Variants in SDK1 observed in about 807,000 individuals in gnomAD.
SDK1 encodes protein sidekick-1.
Under a neutral mutation model 245.5 loss-of-function variants are expected in SDK1, and 157 were observed. The observed-to-expected ratio is 0.64, with a 90% confidence interval of 0.56 to 0.73. The LOEUF is 0.73. Ranked by LOEUF, SDK1 falls within the 30% of genes least tolerant of loss-of-function variation. The pLI, the probability that SDK1 is intolerant of heterozygous loss-of-function variation, is 0.00. For synonymous variants in SDK1, 1,647 were observed against 1,278.5 expected (o/e 1.29, Z -6.15); for missense variants, 3,583 against 3,002.3 (o/e 1.19, Z -4.52).
chr7:3,301,601 C>A lies in SDK1; in HGVS notation c.15C>A (p.Ala5=). The A allele has an allele frequency of 5.1e-6, 5 of 975,904 alleles. No homozygotes were observed. Among genetic ancestry groups the A allele is most frequent in the Non-Finnish European group, 4.8e-6 (4 of 825,066 alleles). The allele number at this position is 975,904 out of a possible 1,614,324, so 60.5% of individuals were successfully genotyped here. MARG[A]RPSAAGGGGG... is the part of the protein sequence containing the mutation. ...GGCTGCTCGGCATGGCCCGGGGCGCCCGGCCCTCGGCGGCCGGTGGCGGCG... is the reference window on the plus strand; with the variant it reads ...GGCTGCTCGGCATGGCCCGGGGCGCACGGCCCTCGGCGGCCGGTGGCGGCG... Residue 5 remains alanine (A), a synonymous_variant, in exon 1 of 45, where the codon GCC becomes GCA. Coordinates refer to ENST00000404826, the MANE Select transcript of SDK1 (RefSeq NM_152744.4).
At chr7:3,328,600 A>C (rs183050118) in intron 1 of SDK1, among the ~76,000 whole-genome samples, 1 of 152,288 alleles carries the variant, frequency 6.6e-6, no homozygotes, top group Non-Finnish European at 1.5e-5. Flanking sequence ...TTGTACTCAA[A>C]GATAACTGGT....
intron 4 of SDK1, among the ~76,000 whole-genome samples, chr7:3,647,992 G>C (rs777922298): frequency 4.6e-5 from 7 of 152,162 alleles, no homozygotes; most frequent in Non-Finnish European, 7.4e-5. Context: ...TTCAGAATTT[G>C]AATAGGTAAT....
intron 1 of SDK1, among the ~76,000 whole-genome samples, chr7:3,484,334 G>A (rs1781611593): frequency 1.3e-5 from 2 of 152,092 alleles, no homozygotes; most frequent in African/African-American, 4.8e-5. Flanking sequence ...ATATTCACTG[G>A]ATGCGAAACC....
At chr7:3,962,992 G>A in intron 9 of SDK1, 141 bp downstream of exon 9, 1 of 415,382 alleles carries the variant, frequency 2.4e-6, no homozygotes, top group Non-Finnish European at 3.9e-6. Context: ...AGTACACTCA[G>A]CTCCATGGCT....
At chr7:4,108,644 A>G (rs1000843482) in intron 22 of SDK1, among the ~76,000 whole-genome samples, 2 of 152,108 alleles carry the variant, frequency 1.3e-5, no homozygotes, top group Admixed American at 6.6e-5. Flanking sequence ...GTCATTCTAC[A>G]TTTCATTTTA....
intron 1 of SDK1, among the ~76,000 whole-genome samples, chr7:3,530,564 AGAAT>A (rs1783307679): frequency 6.6e-6 from 1 of 152,256 alleles, no homozygotes; most frequent in African/African-American, 2.4e-5. Context: ...ATATATTGAT[AGAAT>A]GAACAACAGA....
chr7:3,907,270 C>T (rs1161432817), intron 5 of SDK1, among the ~76,000 whole-genome samples: 1 of 152,198 alleles, frequency 6.6e-6, no homozygotes, highest in African/African-American at 2.4e-5. Flanking sequence ...AAGCTCTGTA[C>T]CTATTAACTC....
chr7:3,967,543 C>A, intron 10 of SDK1, 109 bp downstream of exon 10: 1 of 722,302 alleles, frequency 1.4e-6, no homozygotes, highest in South Asian at 1.7e-5. Context: ...TGCATTCACT[C>A]AATGAAGATT....
At chr7:3,793,378 A>G (rs1323059998) in intron 4 of SDK1, among the ~76,000 whole-genome samples, 1 of 152,138 alleles carries the variant, frequency 6.6e-6, no homozygotes, top group African/African-American at 2.4e-5. Context: ...AAAGCTATGT[A>G]TTTGAAGATC....
rs535794640 is a variant in SDK1 at position 3,402,296 on chromosome 7, C to T, written c.298+100412C>T. On this transcript the variant is annotated intron_variant, in intron 1 of 44. Transcript: ENST00000404826. ...ATATCTGTTATAAAGGATGGTGAAG[C>T]TTGGCTATTCAGAGAGTAATGGAGG... is the stretch of plus-strand genomic sequence containing the variant. Among the ~76,000 whole-genome samples, 21 of 152,232 alleles carry T rather than the reference C, an allele frequency of 1.4e-4. 1 individual carries two copies. The highest frequency in any genetic ancestry group is 5.1e-4 in the African/African-American group (21 of 41,528).
At chr7:4,260,536 G>A (rs1787924268) in intron 44 of SDK1, among the ~76,000 whole-genome samples, 1 of 132,276 alleles carries the variant, frequency 7.6e-6, no homozygotes, top group African/African-American at 2.9e-5. Context: ...CTGTGTGTGG[G>A]AAGATGTGTT....
intron 5 of SDK1, among the ~76,000 whole-genome samples, chr7:3,861,661 A>G (rs934277259): frequency 6.6e-6 from 1 of 152,214 alleles, no homozygotes; most frequent in East Asian, 1.9e-4. Flanking sequence ...ACACTTCTTT[A>G]TAAGCTGTCT....
chr7:4,135,587 C>G (rs971119260), intron 28 of SDK1, among the ~76,000 whole-genome samples: 1 of 152,220 alleles, frequency 6.6e-6, no homozygotes, highest in Non-Finnish European at 1.5e-5. Flanking sequence ...AGGCCGGCAG[C>G]CTGGGTAACG....
At chr7:3,768,581 A>G (rs1247084080) in intron 4 of SDK1, among the ~76,000 whole-genome samples, 1 of 152,176 alleles carries the variant, frequency 6.6e-6, no homozygotes, top group Non-Finnish European at 1.5e-5. Flanking sequence ...ATGTCTTAGA[A>G]TTGCTTCTTG....
chr7:4,175,375 C>T (rs118057784), intron 33 of SDK1, among the ~76,000 whole-genome samples: 397 of 152,362 alleles, frequency 2.6e-3, no homozygotes, highest in Admixed American at 4.4e-3. Flanking sequence ...TCGCGCAGCT[C>T]TCCCTGAGGT....
intron 1 of SDK1, among the ~76,000 whole-genome samples, chr7:3,484,404 G>A (rs976466640): frequency 5.9e-5 from 9 of 152,178 alleles, no homozygotes; most frequent in African/African-American, 1.9e-4. Flanking sequence ...TTCGGGACAT[G>A]AGTGTGTGAG....
intron 44 of SDK1, among the ~76,000 whole-genome samples, chr7:4,248,029 G>A (rs1048121161): frequency 2.0e-5 from 3 of 152,164 alleles, no homozygotes; most frequent in East Asian, 1.9e-4. Flanking sequence ...CTAATGGAAC[G>A]CATTTGGTCT....
intron 4 of SDK1, among the ~76,000 whole-genome samples, chr7:3,753,868 T>C (rs982605368): frequency 2.0e-5 from 3 of 152,240 alleles, no homozygotes; most frequent in Non-Finnish European, 4.4e-5. Context: ...TTCTTTTTAC[T>C]GTATTTGATA....
chr7:4,102,388 C>T (rs528370170), intron 22 of SDK1, among the ~76,000 whole-genome samples: 77 of 152,252 alleles, frequency 5.1e-4, no homozygotes, highest in African/African-American at 1.7e-3. Context: ...CTGCTGACAC[C>T]AGAGTTTCAG....
Sources: gnomAD v4.1 joint callset for allele counts (sites outside exome capture counted in the v4.1 genomes callset) on GRCh38, gnomAD v4.1.1 for gene constraint, MANE v1.5 for transcripts, NCBI Gene and HGNC (gene_info 2026-07-23, HGNC 2026-07-21) for gene names.